ZNF804B: variants seen among roughly 807,000 people sequenced by gnomAD.
The protein encoded by ZNF804B is zinc finger 804B.
In ZNF804B, 80 loss-of-function variants were observed where a neutral mutation model predicts 101.4. The ratio of observed to expected loss-of-function variants is 0.79; its 90% confidence interval spans 0.66 to 0.95. The LOEUF (loss-of-function observed/expected upper bound fraction) is 0.95. Ranked by LOEUF, ZNF804B falls within the 40% of genes least tolerant of loss-of-function variation. ZNF804B has a pLI of 0.00. For missense variants in ZNF804B, 1,673 were observed against 1,561.9 expected, an observed-to-expected ratio of 1.07 and a Z score of -1.20; for synonymous variants, 622 against 558.8, an observed-to-expected ratio of 1.11 and a Z score of -1.59.
chr7:88,860,611 T>C (rs564857005), intron 1 of ZNF804B, among the ~76,000 whole-genome samples: 1 of 152,268 alleles, frequency 6.6e-6, no homozygotes, highest in East Asian at 1.9e-4. Flanking sequence ...CTGAGTTTCA[T>C]ATTTACAGTC....
chr7:88,862,533 A>C (rs1003530563), intron 1 of ZNF804B, among the ~76,000 whole-genome samples: 27 of 152,208 alleles, frequency 1.8e-4, no homozygotes, highest in African/African-American at 6.5e-4. Flanking sequence ...ATTGAAAGTA[A>C]TAGAATGTTC....
chr7:88,844,476 C>T (rs1204065700), intron 1 of ZNF804B, among the ~76,000 whole-genome samples: 1 of 152,178 alleles, frequency 6.6e-6, no homozygotes, highest in African/African-American at 2.4e-5. Flanking sequence ...ATCATCCAAT[C>T]TGTTTCTCTA....
chr7:89,285,546 AAAG>A (rs774736524), intron 2 of ZNF804B, among the ~76,000 whole-genome samples: 1,908 of 92,930 alleles, frequency 0.021, 56 homozygotes, highest in East Asian at 0.046. Context: ...AAAAAAAAAA[AAAG>A]AAGAAGAAGA....
intron 1 of ZNF804B, among the ~76,000 whole-genome samples, chr7:89,121,243 T>C (rs1790400855): frequency 6.6e-6 from 1 of 152,226 alleles, no homozygotes; most frequent in South Asian, 2.1e-4. Flanking sequence ...TCTTTGACTT[T>C]CTATTGGGTT....
chr7:88,953,339 C>G, intron 1 of ZNF804B, among the ~76,000 whole-genome samples: 1 of 151,742 alleles, frequency 6.6e-6, no homozygotes, highest in East Asian at 2.0e-4. Context: ...TTTCCCTGCT[C>G]TAATGTCACT....
At chr7:89,121,004 C>G (rs1790396596) in intron 1 of ZNF804B, among the ~76,000 whole-genome samples, 1 of 152,162 alleles carries the variant, frequency 6.6e-6, no homozygotes, top group African/African-American at 2.4e-5. Flanking sequence ...TATTAAACGA[C>G]TTAGTCATCA....
Position 89,272,326 on chromosome 7 carries a change from T to G in ZNF804B, c.249+54031T>G, listed in dbSNP as rs986837333. 5.3e-5 allele frequency among the ~76,000 whole-genome samples: 8 copies of G among 152,254 alleles called. No homozygotes were observed. In the East Asian group the frequency reaches 1.5e-3, roughly 29 times the overall value. ...GATCATACTTAATTTATTTTTGTTT[T>G]ACATTTTCTAAATTGGAATCATAAT... is the stretch of plus-strand genomic sequence containing the variant. On this transcript the variant is annotated intron_variant, in intron 2 of 3. Coordinates refer to ENST00000333190, the MANE Select transcript of ZNF804B (RefSeq NM_181646.5).
chr7:89,216,881 G>A (rs921957697), intron 1 of ZNF804B, among the ~76,000 whole-genome samples: 3 of 152,140 alleles, frequency 2.0e-5, no homozygotes, highest in Non-Finnish European at 4.4e-5. Flanking sequence ...TCTTTAGTTT[G>A]TTCATTCATT....
At chr7:89,270,104 A>G (rs561108351) in intron 2 of ZNF804B, among the ~76,000 whole-genome samples, 2 of 152,248 alleles carry the variant, frequency 1.3e-5, no homozygotes, top group Admixed American at 6.5e-5. Flanking sequence ...TTTTGCTGCC[A>G]TTGCTTTTGG....
chr7:89,064,387 C>T (rs577134295), intron 1 of ZNF804B, among the ~76,000 whole-genome samples: 4 of 152,258 alleles, frequency 2.6e-5, no homozygotes, highest in South Asian at 4.1e-4. Flanking sequence ...CGGTATAACC[C>T]GTGTCTACCA....
chr7:89,155,665 G>A (rs919593514), intron 1 of ZNF804B, among the ~76,000 whole-genome samples: 52 of 151,978 alleles, frequency 3.4e-4, no homozygotes, highest in Admixed American at 2.0e-3. Flanking sequence ...ACTCTGTCCC[G>A]CCTTGCAGTT....
intron 1 of ZNF804B, among the ~76,000 whole-genome samples, chr7:89,146,783 C>T (rs60104688): frequency 0.13 from 19,149 of 151,694 alleles, 1,498 homozygotes; most frequent in African/African-American, 0.22. Flanking sequence ...CTGAGTACTT[C>T]GGGAGGCTGA....
chr7:88,772,835 C>G (rs1303856883), intron 1 of ZNF804B, among the ~76,000 whole-genome samples: 4 of 151,948 alleles, frequency 2.6e-5, no homozygotes. Flanking sequence ...ATCCTTTGTT[C>G]AAAGGAAATT....
chr7:88,982,827 T>G (rs1438345047), intron 1 of ZNF804B, among the ~76,000 whole-genome samples: 1 of 151,972 alleles, frequency 6.6e-6, no homozygotes, highest in African/African-American at 2.4e-5. Context: ...TCTGCCAGAG[T>G]GACTCACCTT....
chr7:89,030,507 T>C (rs1237363750), intron 1 of ZNF804B, among the ~76,000 whole-genome samples: 6 of 152,174 alleles, frequency 3.9e-5, no homozygotes, highest in African/African-American at 9.6e-5. Context: ...TCAAGACTTC[T>C]GTTAGCCTCA....
chr7:89,306,197 A>G (rs1790559117), intron 2 of ZNF804B, among the ~76,000 whole-genome samples: 1 of 152,046 alleles, frequency 6.6e-6, no homozygotes, highest in Non-Finnish European at 1.5e-5. Flanking sequence ...CCTGAATTAC[A>G]AATTACAGTT....
chr7:88,928,633 G>A (rs1333603916), intron 1 of ZNF804B, among the ~76,000 whole-genome samples: 1 of 152,128 alleles, frequency 6.6e-6, no homozygotes, highest in Non-Finnish European at 1.5e-5. Flanking sequence ...TGCCTTTAGA[G>A]AACAAGGTAA....
At chr7:88,997,521 T>G (rs1324986381) in intron 1 of ZNF804B, among the ~76,000 whole-genome samples, 3 of 152,136 alleles carry the variant, frequency 2.0e-5, no homozygotes, top group Non-Finnish European at 4.4e-5. Context: ...TTTCTAATCA[T>G]AATGATACAT....
intron 1 of ZNF804B, among the ~76,000 whole-genome samples, chr7:88,930,224 T>C (rs562721295): frequency 6.6e-6 from 1 of 152,082 alleles, no homozygotes; most frequent in Non-Finnish European, 1.5e-5. Context: ...AAATCTCCTT[T>C]AAAAACTCAG....
Sources: allele counts gnomAD v4.1 joint callset (sites outside exome capture counted in the v4.1 genomes callset), GRCh38; gene constraint gnomAD v4.1.1; transcripts MANE v1.5; gene names NCBI Gene and HGNC (gene_info 2026-07-23, HGNC 2026-07-21).